Variants in EHBP1 observed in about 807,000 individuals in gnomAD.
EHBP1 encodes the protein EH domain-binding protein 1.
In EHBP1, 55 loss-of-function variants were observed where a neutral mutation model predicts 144.0. The ratio of observed to expected loss-of-function variants is 0.38; its 90% CI spans 0.31 to 0.48. The LOEUF (loss-of-function observed/expected upper bound fraction) is 0.48. Ranked by LOEUF, EHBP1 falls within the 20% of genes least tolerant of loss-of-function variation. The pLI, the probability that EHBP1 is intolerant of heterozygous loss-of-function variation, is 0.98. For synonymous variants in EHBP1, 469 were observed against 472.7 expected (o/e 0.99, Z 0.10); for missense variants, 1,200 against 1,364.2 (o/e 0.88, Z 1.90).
At chr2:62,874,313 G>T in intron 9 of EHBP1, 33 bp from the exon 10 acceptor site, 1 of 1,443,168 alleles carries the variant, frequency 6.9e-7, no homozygotes, top group South Asian at 1.4e-5. Flanking sequence ...TATTTTTTGA[G>T]AGACATCTAA....
chr2:63,028,186 G>A (rs2061068831), intron 19 of EHBP1, among the ~76,000 whole-genome samples: 1 of 152,124 alleles, frequency 6.6e-6, no homozygotes, highest in Non-Finnish European at 1.5e-5. Context: ...ATTCCACAAT[G>A]TTTACCTATT....
chr2:62,833,452 C>A (rs1000190301), intron 7 of EHBP1, among the ~76,000 whole-genome samples: 1 of 152,210 alleles, frequency 6.6e-6, no homozygotes, highest in African/African-American at 2.4e-5. Context: ...GCTAGAGGGA[C>A]AAAGTCAACA....
intron 9 of EHBP1, among the ~76,000 whole-genome samples, chr2:62,865,850 G>C (rs1280370939): frequency 6.6e-6 from 1 of 152,168 alleles, no homozygotes; most frequent in Admixed American, 6.5e-5. Context: ...TAAGGAGATA[G>C]AGTTTGGACT....
chr2:63,043,295 TTTA>T (rs1184861894), intron 21 of EHBP1, among the ~76,000 whole-genome samples: 1 of 152,186 alleles, frequency 6.6e-6, no homozygotes, highest in African/African-American at 2.4e-5. Flanking sequence ...AATTTTGCTG[TTTA>T]TTATTTTTTA....
At chr2:62,958,784 T>C (rs909670740) in intron 14 of EHBP1, among the ~76,000 whole-genome samples, 2 of 152,166 alleles carry the variant, frequency 1.3e-5, no homozygotes, top group African/African-American at 4.8e-5. Flanking sequence ...ACAAGAAATA[T>C]GTAGACCTTT....
intron 5 of EHBP1, among the ~76,000 whole-genome samples, chr2:62,802,843 A>T (rs1203308730): frequency 1.3e-5 from 2 of 149,374 alleles, no homozygotes; most frequent in South Asian, 2.1e-4. Context: ...TCCTGCCTCA[A>T]CCTCCCCAAT....
intron 19 of EHBP1, among the ~76,000 whole-genome samples, chr2:63,003,023 A>G (rs2059908597): frequency 1.3e-5 from 2 of 152,078 alleles, no homozygotes; most frequent in South Asian, 4.1e-4. Flanking sequence ...TCTGAACTTT[A>G]TTATAATTAC....
intron 14 of EHBP1, among the ~76,000 whole-genome samples, chr2:62,965,676 CTTG>C (rs902785659): frequency 1.3e-5 from 2 of 152,296 alleles, no homozygotes; most frequent in African/African-American, 4.8e-5. Context: ...TTCATGCAGT[CTTG>C]TCAGTTGATG....
At chr2:62,830,960 C>G in intron 6 of EHBP1, 59 bp from the exon 7 acceptor site, 6 of 1,536,158 alleles carry the variant, frequency 3.9e-6, no homozygotes, top group Non-Finnish European at 5.3e-6. Flanking sequence ...TCTTAAGAAA[C>G]CATCATTTTT....
intron 2 of EHBP1, among the ~76,000 whole-genome samples, chr2:62,725,008 A>T (rs1350783908): frequency 1.3e-5 from 2 of 152,178 alleles, no homozygotes; most frequent in Non-Finnish European, 2.9e-5. Flanking sequence ...TGATTGTGGT[A>T]TAAGGTGGAT....
At position 62,778,015 on chromosome 2, in the gene EHBP1, G is replaced by A. The variant is rs141205728; in HGVS notation, c.312+6623G>A. ...CCAATGAATGTAATAATAGGCATAA[G>A]ATTAACTTGGTTCTTCGTCCTCCGT... is the stretch of plus-strand genomic sequence containing the variant. On this transcript the variant is annotated intron_variant, in intron 5 of 22. Transcript: ENST00000431489. 3.8e-3 allele frequency among the ~76,000 whole-genome samples: 586 copies of A among 152,292 alleles called. 2 individuals are homozygous for A. The highest frequency in any genetic ancestry group is 0.013 in the African/African-American group (556 of 41,570).
intron 9 of EHBP1, among the ~76,000 whole-genome samples, chr2:62,868,936 G>A (rs910716515): frequency 2.0e-5 from 3 of 152,032 alleles, no homozygotes. Flanking sequence ...CCTGGGCAAC[G>A]CTGTGAGACC....
chr2:62,836,588 T>G, intron 7 of EHBP1, among the ~76,000 whole-genome samples: 5 of 114,874 alleles, frequency 4.4e-5, no homozygotes, highest in South Asian at 3.7e-4. Context: ...TTGAAAACTT[T>G]GAAAAAAATT....
In EHBP1 at chr2:63,045,061, T is replaced by C; in HGVS notation, c.3278-5T>C. ...GGTGGGTAACTAGCCTCCCGTCTTC[T>C]GCAGACTGGCAGAAGACCGAGGCCC... On this transcript the variant is annotated splice_polypyrimidine_tract_variant and splice_region_variant and intron_variant, in intron 21 of 22. Transcript: ENST00000431489. The surrounding 1 kb of genome is among the most constrained non-coding windows in gnomAD (Gnocchi z 5.7). 1 of 1,549,270 alleles carries C rather than the reference T, an allele frequency of 6.5e-7. No homozygotes were observed. Among genetic ancestry groups the C allele is most frequent in the East Asian group, 2.4e-5 (1 of 41,126 alleles).
At position 62,948,830 on chromosome 2, in the gene EHBP1, T is replaced by A. The variant is rs780674785; in HGVS notation, c.1984T>A (p.Leu662Met). ...KRLLKAETLE[L>M]SDLYVSDKKK... ...ACTATTGAAAGCTGAGACTTTAGAA[T>A]TGAGTGACTTATATGTTAGTGATAA... Residue 662 changes from leucine (L) to methionine (M), a missense_variant, in exon 13 of 23, where the codon TTG becomes ATG. By Grantham distance (15) the Leu-to-Met change is conservative (BLOSUM62 2). Around this residue, in one of 6 missense-constraint regions of EHBP1, gnomAD observed 543 missense variants for 513.1 expected, o/e 1.06. Coordinates refer to ENST00000431489, the MANE Select transcript of EHBP1 (RefSeq NM_001142616.3). 6.2e-6 allele frequency: 10 copies of A among 1,614,134 alleles called. No individual in the cohort carries two copies. The East Asian group carries it at 2.0e-4, about 32-fold the overall frequency.
chr2:62,830,997 A>G (rs767496138), intron 6 of EHBP1, 22 bp from the exon 7 acceptor site: 1 of 1,606,946 alleles, frequency 6.2e-7, no homozygotes, highest in South Asian at 1.1e-5. Flanking sequence ...ACAATGTGTT[A>G]TATTTTGAAT....
chr2:62,708,751 AGTT>A (rs1221361433), intron 2 of EHBP1, among the ~76,000 whole-genome samples: 1 of 152,196 alleles, frequency 6.6e-6, no homozygotes, highest in Non-Finnish European at 1.5e-5. Context: ...AAAGATTCAT[AGTT>A]GTTGTCCAGG....
intron 19 of EHBP1, among the ~76,000 whole-genome samples, chr2:63,028,949 T>G (rs906870427): frequency 6.6e-6 from 1 of 152,222 alleles, no homozygotes; most frequent in African/African-American, 2.4e-5. Context: ...CATTCTTTTC[T>G]TCAAATTATA....
At chr2:62,973,821 G>A (rs571943271) in intron 14 of EHBP1, among the ~76,000 whole-genome samples, 7 of 152,100 alleles carry the variant, frequency 4.6e-5, no homozygotes, top group Middle Eastern at 3.4e-3. Context: ...GCAACATGAC[G>A]AAACCCCATC....
Sources: gnomAD v4.1 joint callset for allele counts (sites outside exome capture counted in the v4.1 genomes callset) on GRCh38, gnomAD v4.1.1 for gene constraint, gnomAD v4.1.1 regional missense constraint, Gnocchi (gnomAD v3.1) non-coding constraint, MANE v1.5 for transcripts, NCBI Gene and HGNC (gene_info 2026-07-23, HGNC 2026-07-21) for gene names.